ANXA11: variants seen among roughly 807,000 people sequenced by gnomAD.
ANXA11 encodes the protein annexin A11, also known as 56 kDa autoantigen.
ANXA11 carries 57 observed loss-of-function variants against 64.7 expected under a neutral mutation model. The observed-to-expected ratio is 0.88, with a 90% CI of 0.71 to 1.10. The LOEUF is 1.10. Among genes scored for constraint, ANXA11 ranks in the 50% least tolerant of loss-of-function variants. ANXA11 has a pLI of 0.00. For missense variants in ANXA11, 675 were observed against 670.7 expected (o/e 1.01, Z -0.07); for synonymous variants, 260 against 265.2 (o/e 0.98, Z 0.19).
chr10:80,172,925 G>A (rs766217311), intron 2 of ANXA11, 56 bp from the exon 3 acceptor site: 38 of 1,523,288 alleles, frequency 2.5e-5, no homozygotes, highest in African/African-American at 5.5e-5. Context: ...CTGCTGGCCC[G>A]TGGGACCCAG....
intron 1 of ANXA11, among the ~76,000 whole-genome samples, chr10:80,202,759 G>C (rs1280647533): frequency 6.6e-6 from 1 of 152,088 alleles, no homozygotes; most frequent in Non-Finnish European, 1.5e-5. Flanking sequence ...TAAGAAGAGA[G>C]AGGAGGCCGG....
At chr10:80,168,704 T>C (rs113154777) in intron 5 of ANXA11, among the ~76,000 whole-genome samples, 33 of 152,096 alleles carry the variant, frequency 2.2e-4, no homozygotes, top group African/African-American at 7.5e-4. Context: ...CAGCTAATTT[T>C]TTTTCTATTT....
chr10:80,168,620 G>C (rs895608063), intron 5 of ANXA11, among the ~76,000 whole-genome samples: 1 of 152,114 alleles, frequency 6.6e-6, no homozygotes. Context: ...TGCAACCTCT[G>C]TCTCCTGGGC....
intron 15 of ANXA11, chr10:80,157,064 C>T: frequency 1.0e-6 from 1 of 984,124 alleles, no homozygotes; most frequent in Non-Finnish European, 1.2e-6. Flanking sequence ...TTGACCTGCA[C>T]TGCCTCACTC....
At chr10:80,162,136 T>A in intron 11 of ANXA11, 108 bp from the exon 12 acceptor site, 1 of 898,506 alleles carries the variant, frequency 1.1e-6, no homozygotes, top group Non-Finnish European at 1.7e-6. Flanking sequence ...CTAAAGTATT[T>A]GCCAATTTGC....
chr10:80,196,784 C>A (rs767188503), intron 1 of ANXA11, among the ~76,000 whole-genome samples: 2 of 152,186 alleles, frequency 1.3e-5, no homozygotes, highest in African/African-American at 4.8e-5. Flanking sequence ...CAACTCCCCA[C>A]CCACATGCCA....
Position 80,155,901 on chromosome 10 carries a change from T to C in ANXA11, c.1470A>G (p.Ser490=). The C allele has an allele frequency of 6.2e-7, 1 of 1,614,176 alleles. No homozygotes were observed. Among genetic ancestry groups the C allele is most frequent in the Admixed American group, 1.7e-5 (1 of 60,030 alleles). ...TCAGCAGAATCTTCCGGTAATCCCCTGAAGTATCTCCCTGGCCACAGAAAC... is the reference window on the plus strand; with the variant it reads ...TCAGCAGAATCTTCCGGTAATCCCCCGAAGTATCTCCCTGGCCACAGAAAC... ...SLYHDISGDT[S]GDYRKILLKI... The change falls in exon 16 of 16, where the codon TCA becomes TCG. Residue 490 remains serine (S), a synonymous_variant. Transcript: ENST00000422982.
chr10:80,203,457 C>T (rs1173098254), intron 1 of ANXA11, among the ~76,000 whole-genome samples: 1 of 152,148 alleles, frequency 6.6e-6, no homozygotes, highest in South Asian at 2.1e-4. Flanking sequence ...TCTATCCAAA[C>T]CCAGCCTTCA....
intron 15 of ANXA11, chr10:80,156,267 C>T (rs780507526): frequency 2.5e-6 from 1 of 397,628 alleles, no homozygotes; most frequent in African/African-American, 2.1e-5. Context: ...TGTAACGCAA[C>T]ACAGTGTCCT....
chr10:80,168,021 G>A (rs1354828023), intron 5 of ANXA11, among the ~76,000 whole-genome samples: 1 of 152,148 alleles, frequency 6.6e-6, no homozygotes, highest in Non-Finnish European at 1.5e-5. Flanking sequence ...GTGGGGGAAC[G>A]TGTGGGTATG....
chr10:80,173,001 C>CT, intron 2 of ANXA11, 132 bp from the exon 3 acceptor site: 1 of 739,498 alleles, frequency 1.4e-6, no homozygotes, highest in Admixed American at 2.3e-5. Context: ...ATCTGCCCTG[C>CT]TTGTCGCAGA....
intron 1 of ANXA11, among the ~76,000 whole-genome samples, chr10:80,190,484 A>ATTTTTTTTTTTTT (rs34704342): frequency 7.8e-6 from 1 of 127,500 alleles, no homozygotes. Context: ...TTTACAATAA[A>ATTTTTTTTTTTTT]TTTTTTTTTT....
In ANXA11 at chr10:80,154,702, G is replaced by A. The variant is rs1233462945; in HGVS notation, c.*1151C>T. 2.0e-5 allele frequency: 3 copies of A among 152,240 alleles called. No homozygotes were observed. Among genetic ancestry groups the A allele is most frequent in the Admixed American group, 1.3e-4 (2 of 15,282 alleles). 9.4% of individuals were successfully genotyped at this position (152,240 alleles called of 1,614,324 possible). A position where few individuals can be genotyped will look rare whatever the true frequency, so the allele number is the denominator to read the frequency against. ...ACGGGCACAGGGTCCCCAGAGACCA[G>A]AGCCAGGAGCCCCTTTCAGCCTGGA... On this transcript the variant is annotated 3_prime_UTR_variant, in exon 16 of 16. Transcript: ENST00000422982.
chr10:80,163,294 A>G (rs572793409), intron 11 of ANXA11, 55 bp downstream of exon 11: 6 of 1,601,820 alleles, frequency 3.7e-6, no homozygotes, highest in Middle Eastern at 2.2e-4. Flanking sequence ...AGGAAGCAAG[A>G]AAGCGGGGTG....
chr10:80,187,942 T>C (rs1333023719), intron 1 of ANXA11, among the ~76,000 whole-genome samples: 1 of 152,080 alleles, frequency 6.6e-6, no homozygotes, highest in Non-Finnish European at 1.5e-5. Flanking sequence ...GTAGTTACTA[T>C]CTACAAGACA....
intron 1 of ANXA11, among the ~76,000 whole-genome samples, chr10:80,196,675 C>T (rs1178299349): frequency 6.6e-6 from 1 of 152,190 alleles, no homozygotes; most frequent in Non-Finnish European, 1.5e-5. Flanking sequence ...CATTAAGTCA[C>T]CGAAGCCAGC....
chr10:80,165,597 C>T (rs1224937351), intron 8 of ANXA11, among the ~76,000 whole-genome samples: 2 of 152,184 alleles, frequency 1.3e-5, no homozygotes, highest in Admixed American at 6.5e-5. Context: ...GACAGAAAAG[C>T]GGGCGCTCAG....
At chr10:80,156,358 T>C (rs1041021764) in intron 15 of ANXA11, 2 of 469,656 alleles carry the variant, frequency 4.3e-6, no homozygotes, top group Admixed American at 2.4e-5. Context: ...CTCTCCTCTG[T>C]CTGAGGCCAC....
At chr10:80,172,487 G>C (rs1564613624) in intron 3 of ANXA11, among the ~76,000 whole-genome samples, 1 of 152,136 alleles carries the variant, frequency 6.6e-6, no homozygotes, top group Admixed American at 6.5e-5. Flanking sequence ...AAGCAATTTT[G>C]CGGAGAAGAA....
Sources: allele counts gnomAD v4.1 joint callset (sites outside exome capture counted in the v4.1 genomes callset), GRCh38; gene constraint gnomAD v4.1.1; transcripts MANE v1.5; gene names NCBI Gene and HGNC (gene_info 2026-07-23, HGNC 2026-07-21).